Variants in TSPAN8 observed in about 807,000 individuals in gnomAD.
TSPAN8 encodes the protein tetraspanin-8.
TSPAN8 carries 21 observed loss-of-function variants against 32.8 expected under a neutral mutation model. That is an observed-to-expected ratio of 0.64 (90% CI 0.45 to 0.92). The LOEUF (loss-of-function observed/expected upper bound fraction) is 0.92. TSPAN8 is among the 40% of genes least tolerant of loss of function. The probability of loss-of-function intolerance (pLI) is 0.00; values close to 1 mark genes in which losing one functional copy is unlikely to be tolerated. For missense variants in TSPAN8, 269 were observed against 281.9 expected (o/e 0.95, Z 0.33); for synonymous variants, 95 against 94.6 (o/e 1.00, Z -0.03).
chr12:71,156,269 C>CAAAAAAAAAAAA (rs1287011627), intron 2 of TSPAN8, among the ~76,000 whole-genome samples: 2 of 32,514 alleles, frequency 6.2e-5, no homozygotes, highest in South Asian at 1.2e-3. Context: ...AAAAAAAAAA[C>CAAAAAAAAAAAA]AAACAAAAAA....
intron 8 of TSPAN8, among the ~76,000 whole-genome samples, chr12:71,125,632 G>C (rs915389158): frequency 1.3e-5 from 2 of 151,818 alleles, no homozygotes; most frequent in South Asian, 4.2e-4. Flanking sequence ...CTATCTAACT[G>C]GCCCCATATA....
chr12:71,147,606 T>G (rs189175755), intron 2 of TSPAN8, among the ~76,000 whole-genome samples: 32 of 152,340 alleles, frequency 2.1e-4, no homozygotes, highest in African/African-American at 7.5e-4. Flanking sequence ...ATACTAGGAC[T>G]GTACTGCTGC....
chr12:71,157,544 C>G (rs1220770943), intron 2 of TSPAN8, 75 bp downstream of exon 2: 1 of 1,021,280 alleles, frequency 9.8e-7, no homozygotes, highest in Non-Finnish European at 1.6e-6. Context: ...AGTGTACAGT[C>G]TGTTCTTGTT....
At chr12:71,145,730 C>G (rs1872056256) in intron 2 of TSPAN8, among the ~76,000 whole-genome samples, 1 of 152,028 alleles carries the variant, frequency 6.6e-6, no homozygotes. Context: ...AATTTCATAC[C>G]AACTGAATTT....
Position 71,125,246 on chromosome 12 carries a change from T to A in TSPAN8, c.*88A>T. On this transcript the variant is annotated 3_prime_UTR_variant, in exon 9 of 9. Coordinates refer to ENST00000247829, the MANE Select transcript of TSPAN8 (RefSeq NM_004616.3). Reference sequence around the variant, plus strand: ...TTTTAAAAAGACAGCTGCTCCTGACTTATATAGCACTTACATATTTAAATT... The same window carrying A: ...TTTTAAAAAGACAGCTGCTCCTGACATATATAGCACTTACATATTTAAATT... The A allele has an allele frequency of 8.7e-7, 1 of 1,144,736 alleles. No homozygotes were observed. The highest frequency in any genetic ancestry group is 1.3e-6 in the Non-Finnish European group (1 of 785,030). 70.9% of individuals were successfully genotyped at this position (1,144,736 alleles called of 1,614,324 possible).
intron 2 of TSPAN8, among the ~76,000 whole-genome samples, chr12:71,154,151 A>G (rs1872346318): frequency 6.6e-6 from 1 of 151,934 alleles, no homozygotes; most frequent in Admixed American, 6.6e-5. Context: ...TCCACTAAAA[A>G]TACAAAAAGT....
At chr12:71,144,728 A>C (rs1202722635) in intron 2 of TSPAN8, among the ~76,000 whole-genome samples, 1 of 152,180 alleles carries the variant, frequency 6.6e-6, no homozygotes, top group Non-Finnish European at 1.5e-5. Flanking sequence ...GTTAAGCAAC[A>C]AGGCTATATA....
At chr12:71,128,525 T>C (rs1871412083) in intron 8 of TSPAN8, among the ~76,000 whole-genome samples, 1 of 152,122 alleles carries the variant, frequency 6.6e-6, no homozygotes, top group Admixed American at 6.5e-5. Context: ...GTGAATTTGA[T>C]CTACTTGATA....
intron 8 of TSPAN8, among the ~76,000 whole-genome samples, chr12:71,127,424 C>G (rs1190498222): frequency 2.0e-5 from 3 of 152,110 alleles, no homozygotes; most frequent in African/African-American, 7.2e-5. Context: ...AGGAACTGAA[C>G]AATTTTAAAA....
chr12:71,126,499 G>A (rs1871353138), intron 8 of TSPAN8, among the ~76,000 whole-genome samples: 1 of 151,908 alleles, frequency 6.6e-6, no homozygotes, highest in Non-Finnish European at 1.5e-5. Flanking sequence ...CAATTTATCA[G>A]CAGACTAGAT....
chr12:71,148,666 C>T (rs1401590537), intron 2 of TSPAN8, among the ~76,000 whole-genome samples: 2 of 152,192 alleles, frequency 1.3e-5, no homozygotes, highest in East Asian at 3.9e-4. Context: ...TTGTCTGTAT[C>T]TATTATCTTC....
chr12:71,125,913 T>C (rs537133849), intron 8 of TSPAN8, among the ~76,000 whole-genome samples: 1 of 152,254 alleles, frequency 6.6e-6, no homozygotes, highest in African/African-American at 2.4e-5. Context: ...TTCTAAACTA[T>C]GGGGAACAGC....
At chr12:71,150,849 C>T (rs1322472494) in intron 2 of TSPAN8, among the ~76,000 whole-genome samples, 1 of 152,102 alleles carries the variant, frequency 6.6e-6, no homozygotes, top group Admixed American at 6.5e-5. Flanking sequence ...ACTTGGCTCC[C>T]ACTCTCTCTT....
Position 71,132,766 on chromosome 12 carries a change from T to C in TSPAN8, c.503A>G (p.Tyr168Cys). Reference sequence around the variant, plus strand: ...ATCTAGACAGGCACATAATTCAGGATAGTGTTGAAAATTATTTCCCCAATC... The same window carrying C: ...ATCTAGACAGGCACATAATTCAGGACAGTGTTGAAAATTATTTCCCCAATC... ...AADWGNNFQHYPELCACLDKQ... is the reference protein window; with the variant it reads ...AADWGNNFQHCPELCACLDKQ... The change falls in exon 7 of 9, where the codon TAT (tyrosine) becomes TGT (cysteine). Residue 168 changes from tyrosine (Y) to cysteine (C), a missense_variant. Tyr to Cys is a radical substitution (Grantham distance 194, BLOSUM62 -2). Coordinates refer to ENST00000247829, the MANE Select transcript of TSPAN8 (RefSeq NM_004616.3). 6.2e-7 allele frequency: 1 copy of C among 1,613,996 alleles called. No individual in the cohort carries two copies. The highest frequency in any genetic ancestry group is 2.2e-5 in the East Asian group (1 of 44,814).
intron 2 of TSPAN8, among the ~76,000 whole-genome samples, chr12:71,153,950 A>T (rs1705237): frequency 0.62 from 93,747 of 151,990 alleles, 30,373 homozygotes; most frequent in African/African-American, 0.81. Flanking sequence ...CTAACTGAAA[A>T]CTACAGCATC....
chr12:71,155,794 C>A (rs569806073), intron 2 of TSPAN8, among the ~76,000 whole-genome samples: 1 of 151,426 alleles, frequency 6.6e-6, no homozygotes, highest in South Asian at 2.1e-4. Flanking sequence ...TGCAGTGGTG[C>A]GAGCTCGGCT....
chr12:71,137,908 A>C (rs1415070459), intron 6 of TSPAN8, 45 bp downstream of exon 6: 2 of 1,532,056 alleles, frequency 1.3e-6, no homozygotes, highest in Non-Finnish European at 1.8e-6. Flanking sequence ...CAAACACAGA[A>C]GAACTATGTC....
chr12:71,154,001 T>C (rs532831962), intron 2 of TSPAN8, among the ~76,000 whole-genome samples: 7 of 152,118 alleles, frequency 4.6e-5, no homozygotes, highest in African/African-American at 1.7e-4. Context: ...AAACAGATAA[T>C]GTAACCATAA....
Position 71,146,091 on chromosome 12 carries a change from C to A in TSPAN8, c.61-1878G>T, listed in dbSNP as rs535171275. Among the ~76,000 whole-genome samples, 7 of 152,200 alleles carry A rather than the reference C, an allele frequency of 4.6e-5. No homozygotes were observed. The South Asian group carries it at 1.5e-3, about 32-fold the overall frequency. ...AGATAGCAACTTTTAGTCTTCTCAG[C>A]CACTGAAAATTTTCTGTAACATTAA... On this transcript the variant is annotated intron_variant, in intron 2 of 8. Transcript: ENST00000247829.
Sources: gnomAD v4.1 joint callset for allele counts (sites outside exome capture counted in the v4.1 genomes callset) on GRCh38, gnomAD v4.1.1 for gene constraint, MANE v1.5 for transcripts, NCBI Gene and HGNC (gene_info 2026-07-23, HGNC 2026-07-21) for gene names.